Variants in ZFHX3 observed in about 807,000 individuals in gnomAD.
ZFHX3 encodes zinc finger homeobox 3.
ZFHX3 carries 42 observed loss-of-function variants against 279.1 expected under a neutral mutation model. The ratio of observed to expected loss-of-function variants is 0.15; its 90% CI spans 0.12 to 0.19. The LOEUF is 0.19. Among genes scored for constraint, ZFHX3 ranks in the 10% least tolerant of loss-of-function variants. The probability of loss-of-function intolerance (pLI) is 1.00; values close to 1 mark genes in which losing one functional copy is unlikely to be tolerated. For synonymous variants in ZFHX3, 2,293 were observed against 1,957.8 expected (o/e 1.17, Z -4.52); for missense variants, 4,981 against 4,754.0 (o/e 1.05, Z -1.40).
rs777909573 is a variant in ZFHX3 at position 72,957,473 on chromosome 16, G to A, written c.2673C>T (p.Phe891=). Residue 891 remains phenylalanine (F), a synonymous_variant, in exon 2 of 10, where the codon TTC becomes TTT. Transcript: ENST00000268489. The part of the protein sequence containing the change: ...ASDAQFMMSG[F]QLDPAGPMAA... ...CCATGGGCCCGGCGGGATCCAGCTGGAATCCGCTCATCATGAACTGGGCGT... is the reference window on the plus strand; with the variant it reads ...CCATGGGCCCGGCGGGATCCAGCTGAAATCCGCTCATCATGAACTGGGCGT... The A allele has an allele frequency of 2.5e-6, 4 of 1,613,804 alleles. No homozygotes were observed. Among genetic ancestry groups the A allele is most frequent in the East Asian group, 2.2e-5 (1 of 44,878 alleles).
At chr16:73,807,776 A>G (rs1197349406) in intron 1 of ZFHX3, among the ~76,000 whole-genome samples, 1 of 151,682 alleles carries the variant, frequency 6.6e-6, no homozygotes, top group Non-Finnish European at 1.5e-5. Flanking sequence ...CAGCCAAAGT[A>G]TCAGTTTTCT....
chr16:73,371,035 T>A (rs775217709), intron 3 of ZFHX3, among the ~76,000 whole-genome samples: 10 of 152,034 alleles, frequency 6.6e-5, no homozygotes, highest in Non-Finnish European at 1.0e-4. Context: ...TAAGACCTCA[T>A]CATTGGCCAG....
intron 2 of ZFHX3, among the ~76,000 whole-genome samples, chr16:73,545,640 T>C (rs2020095777): frequency 6.6e-6 from 1 of 152,186 alleles, no homozygotes; most frequent in Non-Finnish European, 1.5e-5. Flanking sequence ...GTGCTCTTCT[T>C]CTTGCCTTTA....
intron 1 of ZFHX3, among the ~76,000 whole-genome samples, chr16:73,812,979 A>T (rs189700885): frequency 6.6e-6 from 1 of 152,206 alleles, no homozygotes; most frequent in East Asian, 1.9e-4. Flanking sequence ...TCTACAAGGC[A>T]TTATCTGCAC....
intron 7 of ZFHX3, among the ~76,000 whole-genome samples, chr16:73,111,007 C>T (rs183048053): frequency 1.1e-3 from 162 of 152,220 alleles, no homozygotes; most frequent in African/African-American, 3.8e-3. Flanking sequence ...GTGGCATGAT[C>T]TCGGCTCACT....
intron 7 of ZFHX3, among the ~76,000 whole-genome samples, chr16:73,120,897 G>A (rs765345679): frequency 1.3e-5 from 2 of 151,080 alleles, no homozygotes; most frequent in South Asian, 2.1e-4. Context: ...CTTGTGATCC[G>A]CCCACCTCGG....
intron 7 of ZFHX3, among the ~76,000 whole-genome samples, chr16:73,115,370 A>C (rs1426819081): frequency 9.5e-6 from 1 of 105,202 alleles, no homozygotes; most frequent in South Asian, 3.0e-4. Flanking sequence ...ATGGGACCCT[A>C]TCTCTACAAA....
intron 1 of ZFHX3, among the ~76,000 whole-genome samples, chr16:73,703,951 C>T (rs2053277501): frequency 1.3e-5 from 2 of 152,126 alleles, no homozygotes; most frequent in African/African-American, 4.8e-5. Flanking sequence ...GTGTGGCTAA[C>T]TCTCATCACG....
chr16:73,003,307 T>C lies in ZFHX3; in HGVS notation c.-49-43113A>G, dbSNP rs183787970. On this transcript the variant is annotated intron_variant, in intron 1 of 9. Coordinates refer to ENST00000268489, the MANE Select transcript of ZFHX3 (RefSeq NM_006885.4). ...CCTGATCCGGGTATTAGACGTAAGATAATTAAAGGGAAAAAAAAAAAAAAA... is the reference window on the plus strand; with the variant it reads ...CCTGATCCGGGTATTAGACGTAAGACAATTAAAGGGAAAAAAAAAAAAAAA... Among the ~76,000 whole-genome samples, 622 of 135,944 alleles carry C rather than the reference T, an allele frequency of 4.6e-3. 4 individuals are homozygous for C. The highest frequency in any genetic ancestry group is 7.2e-3 in the Admixed American group (98 of 13,550). 89.2% of individuals were successfully genotyped at this position (135,944 alleles called of 152,430 possible).
At chr16:73,517,859 G>A (rs933756649) in intron 2 of ZFHX3, among the ~76,000 whole-genome samples, 1 of 152,082 alleles carries the variant, frequency 6.6e-6, no homozygotes, top group African/African-American at 2.4e-5. Context: ...AGTCCCAAAT[G>A]CAACCTGCAT....
At chr16:73,689,818 T>G (rs931152766) in intron 1 of ZFHX3, among the ~76,000 whole-genome samples, 11 of 132,798 alleles carry the variant, frequency 8.3e-5, no homozygotes, top group African/African-American at 1.4e-4. Flanking sequence ...TTGTTTTTTG[T>G]TTTTTTTGTT....
At position 73,173,055 on chromosome 16, in the gene ZFHX3, G is replaced by C. The variant is rs78077111; in HGVS notation, c.-1103-29224C>G. 3.1e-4 allele frequency among the ~76,000 whole-genome samples: 40 copies of C among 129,190 alleles called. 2 individuals are homozygous for C. In the East Asian group the frequency reaches 6.3e-3, roughly 20 times the overall value. 84.8% of individuals were successfully genotyped at this position (129,190 alleles called of 152,430 possible). Reference sequence around the variant, plus strand: ...AGGGGAAAAGAGAACAGTCAGGGAAGGGCTTATGTGATAGTTTTTCTCAGT... The same window carrying C: ...AGGGGAAAAGAGAACAGTCAGGGAACGGCTTATGTGATAGTTTTTCTCAGT... On this transcript the variant is annotated intron_variant, in intron 5 of 17. Transcript: ENST00000641206.
chr16:73,696,654 T>A (rs1376124979), intron 1 of ZFHX3, among the ~76,000 whole-genome samples: 3 of 152,228 alleles, frequency 2.0e-5, no homozygotes, highest in African/African-American at 7.2e-5. Context: ...TGGGTTTGTA[T>A]GTAATGTCAG....
At chr16:73,052,281 A>C (rs1300147959), upstream of ZFHX3, among the ~76,000 whole-genome samples, 1 of 151,978 alleles carries the variant, frequency 6.6e-6, no homozygotes, top group Non-Finnish European at 1.5e-5. Flanking sequence ...TTCACACGTG[A>C]GTTAAAACGA....
chr16:73,686,574 G>T (rs777917971), intron 1 of ZFHX3, among the ~76,000 whole-genome samples: 2 of 152,162 alleles, frequency 1.3e-5, no homozygotes, highest in Non-Finnish European at 2.9e-5. Flanking sequence ...AAGTCAAGAG[G>T]TTGGTCTCTG....
At chr16:73,258,569 C>T (rs576523791) in intron 4 of ZFHX3, among the ~76,000 whole-genome samples, 2 of 152,124 alleles carry the variant, frequency 1.3e-5, no homozygotes, top group East Asian at 1.9e-4. Context: ...AGGATGGTCT[C>T]GATCTCCTGA....
At chr16:73,810,522 A>G (rs1960397773) in intron 1 of ZFHX3, among the ~76,000 whole-genome samples, 1 of 152,188 alleles carries the variant, frequency 6.6e-6, no homozygotes, top group Non-Finnish European at 1.5e-5. Flanking sequence ...AGACAATAGC[A>G]ATATCTAATG....
At chr16:73,698,941 G>A (rs560470961) in intron 1 of ZFHX3, among the ~76,000 whole-genome samples, 1 of 152,144 alleles carries the variant, frequency 6.6e-6, no homozygotes, top group Non-Finnish European at 1.5e-5. Flanking sequence ...CTGGAGTGCA[G>A]TGGCGTGATC....
chr16:73,815,961 C>G (rs758774309), intron 1 of ZFHX3: 1 of 152,150 alleles, frequency 6.6e-6, no homozygotes, highest in Non-Finnish European at 1.5e-5. Flanking sequence ...GGGAAAGCTA[C>G]GACTTTTCAA....
Sources: allele counts gnomAD v4.1 joint callset (sites outside exome capture counted in the v4.1 genomes callset), GRCh38; gene constraint gnomAD v4.1.1; transcripts MANE v1.5; gene names NCBI Gene and HGNC (gene_info 2026-07-23, HGNC 2026-07-21).